INPP4A: variants seen among roughly 807,000 people sequenced by gnomAD.
INPP4A encodes the protein inositol polyphosphate-4-phosphatase type I A.
In INPP4A, 33 loss-of-function variants were observed where a neutral mutation model predicts 119.8. That is an observed-to-expected ratio of 0.28 (90% confidence interval 0.21 to 0.37). The LOEUF is 0.37. INPP4A is among the 10% of genes least tolerant of loss of function. INPP4A has a pLI of 1.00. For synonymous variants in INPP4A, 496 were observed against 500.7 expected (o/e 0.99, Z 0.12); for missense variants, 956 against 1,289.9 (o/e 0.74, Z 3.97).
At position 98,546,788 on chromosome 2, in the gene INPP4A, C is replaced by T; in HGVS notation, c.1163+94C>T. 3.7e-6 allele frequency: 3 copies of T among 801,552 alleles called. No individual in the cohort carries two copies. The highest frequency in any genetic ancestry group is 3.1e-5 in the South Asian group (2 of 65,548). The allele number at this position is 801,552 out of a possible 1,614,324, so 49.7% of individuals were successfully genotyped here. On this transcript the variant is annotated intron_variant, in intron 13 of 24. Transcript: ENST00000409851. The surrounding 1 kb of genome is among the most constrained non-coding windows in gnomAD (Gnocchi z 4.2). ...AAATCAAAATATGACCGCAAAAACACCCAGCCATCTGATCTGCTTTTGCGT... is the reference window on the plus strand; with the variant it reads ...AAATCAAAATATGACCGCAAAAACATCCAGCCATCTGATCTGCTTTTGCGT...
Position 98,543,924 on chromosome 2 carries a change from G to T in INPP4A, c.866G>T (p.Ser289Ile). Residue 289 changes from serine (S) to isoleucine (I), a missense_variant, in exon 11 of 25, where the codon AGC becomes ATC. By Grantham distance (142) the Ser-to-Ile change is moderately radical. Around this residue, in one of 2 missense-constraint regions of INPP4A, gnomAD observed 652 missense variants for 797.9 expected, o/e 0.82. Coordinates refer to ENST00000409851, the MANE Select transcript of INPP4A (RefSeq NM_001134225.2). The part of the protein sequence containing the change: ...ELGELSPCWE[S>I]LRRQIVTQYQ... ...GGAGAGCTGTCCCCTTGCTGGGAGA[G>T]CCTCCGGCGCCAAATTGTCACCCAG... 6.2e-7 allele frequency: 1 copy of T among 1,610,742 alleles called. No individual in the cohort carries two copies. Among genetic ancestry groups the T allele is most frequent in the Non-Finnish European group, 8.5e-7 (1 of 1,178,420 alleles).
At chr2:98,542,370 T>G (rs2106034834) in intron 10 of INPP4A, among the ~76,000 whole-genome samples, 1 of 152,368 alleles carries the variant, frequency 6.6e-6, no homozygotes, top group Admixed American at 6.5e-5. Context: ...TCCTAAGAAC[T>G]TATGTAAAAT....
intron 1 of INPP4A, among the ~76,000 whole-genome samples, chr2:98,489,453 A>T (rs1160701631): frequency 6.6e-6 from 1 of 152,104 alleles, no homozygotes; most frequent in Non-Finnish European, 1.5e-5. Context: ...CTGTCCCTTG[A>T]TGTTGGGAAG....
intron 1 of INPP4A, among the ~76,000 whole-genome samples, chr2:98,493,624 T>A (rs962841663): frequency 6.6e-6 from 1 of 152,062 alleles, no homozygotes; most frequent in East Asian, 1.9e-4. Context: ...CTTAAACTTA[T>A]GAGCTCAAGC....
chr2:98,481,488 T>C (rs1678456149), intron 1 of INPP4A, among the ~76,000 whole-genome samples: 1 of 152,206 alleles, frequency 6.6e-6, no homozygotes, highest in South Asian at 2.1e-4. Context: ...GGGGTGCTGG[T>C]TTCTTTAGGG....
At position 98,552,928 on chromosome 2, in the gene INPP4A, G is replaced by C; in HGVS notation, c.1306G>C (p.Ala436Pro). The C allele has an allele frequency of 6.2e-7, 1 of 1,613,494 alleles. No homozygotes were observed. Among genetic ancestry groups the C allele is most frequent in the Non-Finnish European group, 8.5e-7 (1 of 1,179,680 alleles). ...RLSRAAKDRS[A>P]TGLERTLAIL... The stretch of plus-strand genomic sequence containing the variant: ...GTCAAGGGCAGCCAAGGACAGGTCT[G>C]CCACTGGCCTTGAGAGGACACTCGC... Residue 436 changes from alanine to proline, a missense_variant, in exon 14 of 25, where the codon GCC (alanine) becomes CCC (proline). Ala to Pro is a conservative substitution (Grantham distance 27). Transcript: ENST00000409851.
intron 1 of INPP4A, among the ~76,000 whole-genome samples, chr2:98,466,741 A>C (rs745663560): frequency 6.6e-6 from 1 of 152,162 alleles, no homozygotes; most frequent in African/African-American, 2.4e-5. Context: ...GATGATGTCT[A>C]TCTGTCTTCT....
At chr2:98,518,611 C>T (rs1176342247) in intron 1 of INPP4A, among the ~76,000 whole-genome samples, 1 of 152,200 alleles carries the variant, frequency 6.6e-6, no homozygotes, top group East Asian at 1.9e-4. Flanking sequence ...TCCTGAAGGG[C>T]AGGGCCTTAA....
intron 1 of INPP4A, among the ~76,000 whole-genome samples, chr2:98,455,604 G>A (rs1434227769): frequency 6.6e-6 from 1 of 152,026 alleles, no homozygotes; most frequent in Non-Finnish European, 1.5e-5. Flanking sequence ...TTCCTCCCCC[G>A]TCGAATCCTC....
At chr2:98,496,930 G>T (rs1030289154) in intron 1 of INPP4A, among the ~76,000 whole-genome samples, 4 of 152,190 alleles carry the variant, frequency 2.6e-5, no homozygotes, top group Admixed American at 2.6e-4. Flanking sequence ...CTGACACTGG[G>T]TTTCACATGT....
intron 4 of INPP4A, 35 bp downstream of exon 4, chr2:98,520,766 AT>A: frequency 2.5e-6 from 3 of 1,211,684 alleles, no homozygotes; most frequent in Non-Finnish European, 3.5e-6. Flanking sequence ...GTTTTAAAAA[AT>A]ATTTTACTTA....
chr2:98,545,741 C>T (rs1004879976), intron 11 of INPP4A, among the ~76,000 whole-genome samples: 22 of 152,190 alleles, frequency 1.4e-4, no homozygotes, highest in Non-Finnish European at 2.8e-4. Context: ...CACCATTCAC[C>T]ACCTGAGCAC....
At chr2:98,520,659 AT>A in intron 3 of INPP4A, 27 bp from the exon 4 acceptor site, 2 of 1,424,864 alleles carry the variant, frequency 1.4e-6, no homozygotes, top group South Asian at 1.3e-5. Flanking sequence ...ATTAAGGATG[AT>A]TTTTCTGTCA....
chr2:98,453,479 T>C (rs537037711), intron 1 of INPP4A, among the ~76,000 whole-genome samples: 2 of 152,206 alleles, frequency 1.3e-5, no homozygotes, highest in Non-Finnish European at 2.9e-5. Context: ...TTTGGGGTGT[T>C]GTTATGGTGT....
chr2:98,557,528 T>C (rs966428648), intron 16 of INPP4A, among the ~76,000 whole-genome samples: 3 of 152,248 alleles, frequency 2.0e-5, no homozygotes, highest in Non-Finnish European at 4.4e-5. Context: ...TCCAAGTTAC[T>C]GGAGCCATTG....
At chr2:98,535,661 G>A in intron 5 of INPP4A, 68 bp from the exon 6 acceptor site, 1 of 696,254 alleles carries the variant, frequency 1.4e-6, no homozygotes. Context: ...AAATGTTGGT[G>A]TATTTCAAAA....
intron 1 of INPP4A, among the ~76,000 whole-genome samples, chr2:98,472,212 A>G (rs1676176166): frequency 6.6e-6 from 1 of 152,130 alleles, no homozygotes; most frequent in Non-Finnish European, 1.5e-5. Context: ...CTTGAAAGTG[A>G]TGAGCTTGAG....
intron 24 of INPP4A, among the ~76,000 whole-genome samples, chr2:98,578,795 G>A (rs973146753): frequency 3.9e-5 from 6 of 152,234 alleles, no homozygotes; most frequent in Admixed American, 3.9e-4. Flanking sequence ...CCCTACACTA[G>A]TTCCTCAGAA....
intron 23 of INPP4A, 34 bp downstream of exon 23, chr2:98,572,961 C>A (rs759628751): frequency 1.4e-6 from 2 of 1,434,890 alleles, no homozygotes; most frequent in Non-Finnish European, 1.9e-6. Flanking sequence ...GAGGCTATTG[C>A]GGTGCCCACA....
Sources: gnomAD v4.1 joint callset for allele counts (sites outside exome capture counted in the v4.1 genomes callset) on GRCh38, gnomAD v4.1.1 for gene constraint, gnomAD v4.1.1 regional missense constraint, Gnocchi (gnomAD v3.1) non-coding constraint, MANE v1.5 for transcripts, NCBI Gene and HGNC (gene_info 2026-07-23, HGNC 2026-07-21) for gene names.